CLIP1: variants seen among roughly 807,000 people sequenced by gnomAD.
CLIP1 encodes the protein CAP-Gly domain-containing linker protein 1.
In CLIP1, 66 loss-of-function variants were observed where a neutral mutation model predicts 161.6. The ratio of observed to expected loss-of-function variants is 0.41; its 90% confidence interval spans 0.33 to 0.50. CLIP1 has a LOEUF of 0.50. Among genes scored for constraint, CLIP1 ranks in the 20% least tolerant of loss-of-function variants. CLIP1 has a pLI of 0.27. For missense variants in CLIP1, 1,376 were observed against 1,702.0 expected (o/e 0.81, Z 3.37); for synonymous variants, 598 against 626.2 (o/e 0.96, Z 0.67).
At chr12:122,321,018 TTAAA>T (rs56780235) in intron 17 of CLIP1, among the ~76,000 whole-genome samples, 18,929 of 144,946 alleles carry the variant, frequency 0.13, 1,537 homozygotes, top group East Asian at 0.45. Context: ...AGACTCTGTC[TTAAA>T]TAAATAAATA....
intron 20 of CLIP1, among the ~76,000 whole-genome samples, chr12:122,294,673 G>A (rs1032371183): frequency 6.6e-6 from 1 of 152,100 alleles, no homozygotes; most frequent in African/African-American, 2.4e-5. Flanking sequence ...TGAAGTGGGA[G>A]GCTACAATGA....
intron 3 of CLIP1, among the ~76,000 whole-genome samples, chr12:122,375,724 TAAAAATCAGAAGGGGAAA>T (rs1429082953): frequency 6.6e-6 from 1 of 151,602 alleles, no homozygotes; most frequent in Non-Finnish European, 1.5e-5. Context: ...AACCAAAAAT[TAAAAATCAGAAGGGGAAA>T]AAAAATCCAA....
chr12:122,370,353 G>T (rs1301435593), intron 3 of CLIP1, among the ~76,000 whole-genome samples: 4 of 152,152 alleles, frequency 2.6e-5, no homozygotes, highest in African/African-American at 9.6e-5. Flanking sequence ...AGCCCCTTTA[G>T]ATCACGATGT....
At chr12:122,346,953 A>G (rs554406131) in intron 10 of CLIP1, among the ~76,000 whole-genome samples, 1 of 152,366 alleles carries the variant, frequency 6.6e-6, no homozygotes, top group African/African-American at 2.4e-5. Flanking sequence ...CCAGGGAAGA[A>G]GGCAGGAAGA....
chr12:122,380,598 G>C (rs1954972337), intron 1 of CLIP1, 40 bp from the exon 2 acceptor site: 1 of 488,920 alleles, frequency 2.0e-6, no homozygotes, highest in Non-Finnish European at 3.6e-6. Context: ...ATAATCTACA[G>C]GAGCAAGTAG....
intron 20 of CLIP1, among the ~76,000 whole-genome samples, chr12:122,290,987 G>A (rs1280027248): frequency 6.6e-6 from 1 of 151,142 alleles, no homozygotes; most frequent in Non-Finnish European, 1.5e-5. Flanking sequence ...CAGCCTCCTG[G>A]GTTAATGTGA....
intron 20 of CLIP1, among the ~76,000 whole-genome samples, chr12:122,300,512 A>G (rs1276216564): frequency 2.0e-5 from 3 of 152,234 alleles, no homozygotes; most frequent in Non-Finnish European, 2.9e-5. Flanking sequence ...GTAAAATTTA[A>G]GTAAAATATG....
intron 21 of CLIP1, among the ~76,000 whole-genome samples, chr12:122,285,890 A>T (rs763632140): frequency 2.6e-5 from 4 of 151,660 alleles, no homozygotes; most frequent in Non-Finnish European, 4.4e-5. Context: ...AATCTTATTT[A>T]TGTAAAATTA....
rs555397899 is a variant in CLIP1, at chr12:122,331,164, G to A, written c.2867+1823C>T. On this transcript the variant is annotated intron_variant, in intron 15 of 25. Coordinates refer to ENST00000620786, the MANE Select transcript of CLIP1 (RefSeq NM_001247997.2). ...TGAGTAGCTGGGATTACAGGAATGC[G>A]CCACCATACCCGGCTAATTTTGTAT... 2.7e-5 allele frequency among the ~76,000 whole-genome samples: 4 copies of A among 150,478 alleles called. No individual in the cohort carries two copies. The East Asian group carries it at 5.9e-4, about 22-fold the overall frequency.
chr12:122,400,940 T>G (rs1410113925), intron 1 of CLIP1: 1 of 151,306 alleles, frequency 6.6e-6, no homozygotes, highest in East Asian at 1.9e-4. Flanking sequence ...AGACAGTGTT[T>G]CACTCTTGTC....
In CLIP1 at chr12:122,297,968, G is replaced by A. The variant is rs763031936; in HGVS notation, c.3595-9427C>T. 3.3e-5 allele frequency among the ~76,000 whole-genome samples: 5 copies of A among 152,194 alleles called. No individual in the cohort carries two copies. In the East Asian group the frequency reaches 5.8e-4, roughly 18 times the overall value. ...AGTGACTGATCCATGTGGGATTACCGAAAGACTGGCCATCTCCGTCCAGTT... is the reference window on the plus strand; with the variant it reads ...AGTGACTGATCCATGTGGGATTACCAAAAGACTGGCCATCTCCGTCCAGTT... On this transcript the variant is annotated intron_variant, in intron 20 of 25. Transcript: ENST00000620786.
At chr12:122,326,726 C>T (rs1191626834) in intron 17 of CLIP1, among the ~76,000 whole-genome samples, 1 of 151,902 alleles carries the variant, frequency 6.6e-6, no homozygotes, top group Non-Finnish European at 1.5e-5. Flanking sequence ...TTCTGCGATG[C>T]TGTGGTTTGC....
At position 122,355,383 on chromosome 12, in the gene CLIP1, A is replaced by G; in HGVS notation, c.1006-71T>C. Reference sequence around the variant, plus strand: ...AAAGCGAGGGAGGCGCGATGCATGCATGGCGGGCATCTGCTCGGCAAAGCA... The same window carrying G: ...AAAGCGAGGGAGGCGCGATGCATGCGTGGCGGGCATCTGCTCGGCAAAGCA... On this transcript the variant is annotated intron_variant, in intron 5 of 25. Transcript: ENST00000620786. This position sits in a 1 kb window ranked among gnomAD's most constrained non-coding sequence, Gnocchi z 4.1. The G allele has an allele frequency of 1.4e-6, 2 of 1,400,406 alleles. 1 individual carries two copies. The highest frequency in any genetic ancestry group is 2.5e-5 in the South Asian group (2 of 80,230). 86.7% of individuals were successfully genotyped at this position (1,400,406 alleles called of 1,614,324 possible).
intron 1 of CLIP1, among the ~76,000 whole-genome samples, chr12:122,383,961 C>G (rs1363772488): frequency 6.6e-6 from 1 of 152,148 alleles, no homozygotes; most frequent in Admixed American, 6.5e-5. Flanking sequence ...CCTTCTCCCC[C>G]ACCCTCCCAA....
intron 1 of CLIP1, among the ~76,000 whole-genome samples, chr12:122,390,708 TTGAC>T (rs1955618289): frequency 6.6e-6 from 1 of 151,882 alleles, no homozygotes; most frequent in African/African-American, 2.4e-5. Context: ...GTTGAAACCA[TTGAC>T]TGACACCACG....
chr12:122,275,644 G>GCGCGCACACACA (rs773370301), intron 24 of CLIP1: 1 of 147,538 alleles, frequency 6.8e-6, no homozygotes, highest in African/African-American at 2.5e-5. Flanking sequence ...ACACACACGC[G>GCGCGCACACACA]CACACACACA....
intron 1 of CLIP1, among the ~76,000 whole-genome samples, chr12:122,387,565 TATATATATATATATATA>T (rs1955345345): frequency 3.7e-4 from 4 of 10,822 alleles, no homozygotes; most frequent in South Asian, 2.2e-3. Context: ...TATATATATA[TATATATATATATATATA>T]TATATATATT....
rs1281647417 is a variant in CLIP1, at chr12:122,311,510, C to G, written c.3474-1628G>C. Among the ~76,000 whole-genome samples, 9 of 152,098 alleles carry G rather than the reference C, an allele frequency of 5.9e-5. No individual in the cohort carries two copies. The East Asian group carries it at 1.7e-3, about 29-fold the overall frequency. The stretch of plus-strand genomic sequence containing the variant: ...CACGAACTCGGCTCACTGCAAGCTC[C>G]ACCTCCCAGGTTCACGCCATTCTCC... On this transcript the variant is annotated intron_variant, in intron 19 of 25. Transcript: ENST00000620786. The surrounding 1 kb of genome is among the most constrained non-coding windows in gnomAD (Gnocchi z 4.3).
intron 4 of CLIP1, among the ~76,000 whole-genome samples, chr12:122,362,156 G>A (rs1054531734): frequency 6.6e-6 from 1 of 151,110 alleles, no homozygotes; most frequent in Non-Finnish European, 1.5e-5. Flanking sequence ...GTTTCAATAT[G>A]TTGGCCAGGA....
Sources: gnomAD v4.1 joint callset for allele counts (sites outside exome capture counted in the v4.1 genomes callset) on GRCh38, gnomAD v4.1.1 for gene constraint, Gnocchi (gnomAD v3.1) non-coding constraint, MANE v1.5 for transcripts, NCBI Gene and HGNC (gene_info 2026-07-23, HGNC 2026-07-21) for gene names.